ORC5: variants seen among roughly 807,000 people sequenced by gnomAD.
The protein encoded by ORC5 is protein phosphatase 1, regulatory subunit 117.
ORC5 carries 39 observed loss-of-function variants against 58.8 expected under a neutral mutation model. The observed-to-expected ratio is 0.66, with a 90% CI of 0.51 to 0.87. The LOEUF is 0.87. Ranked by LOEUF, ORC5 falls within the 40% of genes least tolerant of loss-of-function variation. The probability of loss-of-function intolerance (pLI) is 0.00; values close to 1 mark genes in which losing one functional copy is unlikely to be tolerated. For missense variants in ORC5, 493 were observed against 506.3 expected, an observed-to-expected ratio of 0.97 and a Z score of 0.25; for synonymous variants, 218 against 177.6, an observed-to-expected ratio of 1.23 and a Z score of -1.81.
At chr7:104,163,645 C>G (rs192238060) in intron 11 of ORC5, among the ~76,000 whole-genome samples, 105 of 152,214 alleles carry the variant, frequency 6.9e-4, no homozygotes, top group African/African-American at 2.5e-3. Flanking sequence ...CACCATCATG[C>G]CCGGCTAATT....
intron 12 of ORC5, among the ~76,000 whole-genome samples, chr7:104,143,172 A>G (rs1312177650): frequency 1.3e-5 from 2 of 152,138 alleles, no homozygotes; most frequent in Admixed American, 6.5e-5. Context: ...TTTAATACAG[A>G]AGAAAACATT....
intron 13 of ORC5, among the ~76,000 whole-genome samples, chr7:104,128,823 C>T (rs1011895824): frequency 6.6e-6 from 1 of 151,602 alleles, no homozygotes; most frequent in African/African-American, 2.4e-5. Context: ...GCACATTTCT[C>T]CACAATGACT....
Position 104,187,944 on chromosome 7 carries a change from G to T in ORC5, c.684+307C>A, listed in dbSNP as rs1321665663. On this transcript the variant is annotated intron_variant, in intron 6 of 13. Coordinates refer to ENST00000297431, the MANE Select transcript of ORC5 (RefSeq NM_002553.4). Reference sequence around the variant, plus strand: ...TCTCTTTTCTGTTATTCCTCATTTTGATTTTTATGGAGTTCTGCATTTTCT... The same window carrying T: ...TCTCTTTTCTGTTATTCCTCATTTTTATTTTTATGGAGTTCTGCATTTTCT... The T allele has an allele frequency of 6.9e-6, 7 of 1,010,342 alleles. No individual in the cohort carries two copies. The East Asian group carries it at 3.7e-4, about 53-fold the overall frequency. The allele number at this position is 1,010,342 out of a possible 1,614,324, so 62.6% of individuals were successfully genotyped here.
rs146141493 is a variant in ORC5, at chr7:104,162,403, C to T, written c.1039-1221G>A. ...TCTCGAACTTCTGACCTGAAGTAATCTGCCCACCTTGGCCTCCCAAAGTGC... is the reference window on the plus strand; with the variant it reads ...TCTCGAACTTCTGACCTGAAGTAATTTGCCCACCTTGGCCTCCCAAAGTGC... On this transcript the variant is annotated intron_variant, in intron 11 of 13. Coordinates refer to ENST00000297431, the MANE Select transcript of ORC5 (RefSeq NM_002553.4). Among the ~76,000 whole-genome samples, 498 of 152,344 alleles carry T rather than the reference C, an allele frequency of 3.3e-3. 3 individuals are homozygous for T. The highest frequency in any genetic ancestry group is 0.012 in the African/African-American group (485 of 41,580).
At chr7:104,159,520 C>CAA (rs200032572) in intron 12 of ORC5, among the ~76,000 whole-genome samples, 19 of 125,586 alleles carry the variant, frequency 1.5e-4, no homozygotes, top group African/African-American at 6.3e-4. Context: ...TAGAGAAAGC[C>CAA]AAAAAAAAAA....
At chr7:104,169,515 T>A (rs1323214617) in intron 8 of ORC5, among the ~76,000 whole-genome samples, 1 of 151,066 alleles carries the variant, frequency 6.6e-6, no homozygotes, top group Admixed American at 6.6e-5. Context: ...AGTTTACTCA[T>A]AAAAAAAAAT....
Position 104,133,205 on chromosome 7 carries a change from C to G in ORC5, c.1262+3576G>C, listed in dbSNP as rs1298259149. Among the ~76,000 whole-genome samples, 1 of 151,946 alleles carries G rather than the reference C, an allele frequency of 6.6e-6. No individual in the cohort carries two copies. The highest frequency in any genetic ancestry group is 1.9e-4 in the East Asian group (1 of 5,194). On this transcript the variant is annotated intron_variant, in intron 13 of 13. Coordinates refer to ENST00000297431, the MANE Select transcript of ORC5 (RefSeq NM_002553.4). This position sits in a 1 kb window ranked among gnomAD's most constrained non-coding sequence, Gnocchi z 4.7. ...AATTTTTATAAAATCATTCTGGCTA[C>G]AGCATGGATAATAAATTATAAGAGG... is the stretch of plus-strand genomic sequence containing the variant.
intron 5 of ORC5, among the ~76,000 whole-genome samples, chr7:104,188,761 T>C (rs1210350096): frequency 1.3e-5 from 2 of 152,126 alleles, no homozygotes; most frequent in Non-Finnish European, 2.9e-5. Context: ...TTTGAAATTT[T>C]CAGTGGAGGA....
intron 5 of ORC5, among the ~76,000 whole-genome samples, chr7:104,191,458 G>A (rs537635683): frequency 1.3e-5 from 2 of 152,172 alleles, no homozygotes; most frequent in South Asian, 4.2e-4. Context: ...AGCTCAGACT[G>A]CACTTCTGAG....
intron 4 of ORC5, among the ~76,000 whole-genome samples, chr7:104,196,767 AT>A (rs1799809725): frequency 6.6e-6 from 1 of 152,214 alleles, no homozygotes; most frequent in Non-Finnish European, 1.5e-5. Context: ...CACTTACAAA[AT>A]TATAAAACCA....
Position 104,200,738 on chromosome 7 carries a change from A to C in ORC5, c.366+20T>G. 1 of 1,376,272 alleles carries C rather than the reference A, an allele frequency of 7.3e-7. No individual in the cohort carries two copies. 85.3% of individuals were successfully genotyped at this position (1,376,272 alleles called of 1,614,324 possible). A position where few individuals can be genotyped will look rare whatever the true frequency, so the allele number is the denominator to read the frequency against. On this transcript the variant is annotated intron_variant, in intron 3 of 13. Transcript: ENST00000297431. ...CAGTTTTCAAGATAAGAGATGATCT[A>C]ATCAAATGAAATTACTTACAATATA...
chr7:104,181,524 G>A (rs1288850668), intron 8 of ORC5, among the ~76,000 whole-genome samples: 5 of 151,946 alleles, frequency 3.3e-5, no homozygotes, highest in Admixed American at 6.6e-5. Context: ...GGTGGCTCAC[G>A]CCTGTAATCC....
rs1331227268 is a variant in ORC5 at position 104,200,939 on chromosome 7, T to C, written c.185A>G (p.Asn62Ser). The C allele has an allele frequency of 6.2e-7, 1 of 1,613,034 alleles. No individual in the cohort carries two copies. Among genetic ancestry groups the C allele is most frequent in the African/African-American group, 1.3e-5 (1 of 74,856 alleles). The change falls in exon 3 of 14, where the codon AAT (asparagine) becomes AGT (serine). Residue 62 changes from asparagine to serine, a missense_variant. Asn to Ser is a conservative substitution (Grantham distance 46). This residue lies in a region of ORC5 where 412 missense variants were observed against 403.7 expected (regional missense o/e 1.02). Coordinates refer to ENST00000297431, the MANE Select transcript of ORC5 (RefSeq NM_002553.4). ...KTLELPHVFV[N>S]CVECFTLRLL... ...CCTCAATGTAAAGCATTCAACACAA[T>C]TCACAAACACATGTGGGAGCTGAAA... is the stretch of plus-strand genomic sequence containing the variant.
At chr7:104,205,086 CTTTTTTTTTTT>C (rs10672012) in intron 1 of ORC5, among the ~76,000 whole-genome samples, 1 of 99,426 alleles carries the variant, frequency 1.0e-5, no homozygotes, top group Non-Finnish European at 1.9e-5. Context: ...TAATAATACT[CTTTTTTTTTTT>C]TTTTTTTTTT....
intron 5 of ORC5, among the ~76,000 whole-genome samples, chr7:104,191,580 T>C (rs974111060): frequency 2.0e-5 from 3 of 150,650 alleles, no homozygotes; most frequent in African/African-American, 7.3e-5. Flanking sequence ...GAAAGTCTTA[T>C]AAGAATAGGA....
chr7:104,198,489 C>G (rs182693538), intron 3 of ORC5, among the ~76,000 whole-genome samples: 2 of 152,280 alleles, frequency 1.3e-5, no homozygotes, highest in Admixed American at 1.3e-4. Context: ...GAACTTTGAA[C>G]TTGAGAAAGA....
At chr7:104,188,580 G>A (rs971916610) in intron 5 of ORC5, among the ~76,000 whole-genome samples, 199 bp from the exon 6 acceptor site, 4 of 152,140 alleles carry the variant, frequency 2.6e-5, no homozygotes, top group Non-Finnish European at 4.4e-5. Context: ...CTTCACTGCA[G>A]TTCCTGGCAC....
At chr7:104,174,559 C>A (rs1158715096) in intron 8 of ORC5, among the ~76,000 whole-genome samples, 1 of 152,148 alleles carries the variant, frequency 6.6e-6, no homozygotes, top group Non-Finnish European at 1.5e-5. Flanking sequence ...CAGGAGAAGG[C>A]TCCCCCTACC....
At chr7:104,184,342 G>A in intron 6 of ORC5, 171 bp from the exon 7 acceptor site, 1 of 582,294 alleles carries the variant, frequency 1.7e-6, no homozygotes, top group Non-Finnish European at 3.0e-6. Flanking sequence ...CAGCTACTCA[G>A]GAGGCTGAGG....
Sources: gnomAD v4.1 joint callset for allele counts (sites outside exome capture counted in the v4.1 genomes callset) on GRCh38, gnomAD v4.1.1 for gene constraint, gnomAD v4.1.1 regional missense constraint, Gnocchi (gnomAD v3.1) non-coding constraint, MANE v1.5 for transcripts, NCBI Gene and HGNC (gene_info 2026-07-23, HGNC 2026-07-21) for gene names.